UPF1: variants seen among roughly 807,000 people sequenced by gnomAD.
UPF1 encodes regulator of nonsense transcripts 1.
Under a neutral mutation model 129.2 loss-of-function variants are expected in UPF1, and 9 were observed. The ratio of observed to expected loss-of-function variants is 0.07; its 90% CI spans 0.04 to 0.12. UPF1 has a LOEUF of 0.12. Among genes scored for constraint, UPF1 ranks in the 10% least tolerant of loss-of-function variants. The pLI is 1.00. For synonymous variants in UPF1, 649 were observed against 644.9 expected, an observed-to-expected ratio of 1.01 and a Z score of -0.10; for missense variants, 788 against 1,525.3, an observed-to-expected ratio of 0.52 and a Z score of 8.05.
chr19:18,865,928 C>T lies in UPF1; in HGVS notation c.3238-116C>T. On this transcript the variant is annotated intron_variant, in intron 22 of 23. Coordinates refer to ENST00000262803, the MANE Select transcript of UPF1 (RefSeq NM_002911.4). This position sits in a 1 kb window ranked among gnomAD's most constrained non-coding sequence, Gnocchi z 6.1. Reference sequence around the variant, plus strand: ...GGGCTGGGGTCATCAGAGTGGGTCTCCTGGGTCTTAGTTTGGGGACGGGTT... The same window carrying T: ...GGGCTGGGGTCATCAGAGTGGGTCTTCTGGGTCTTAGTTTGGGGACGGGTT... The T allele has an allele frequency of 6.3e-7, 1 of 1,587,092 alleles. No individual in the cohort carries two copies. The highest frequency in any genetic ancestry group is 8.5e-7 in the Non-Finnish European group (1 of 1,170,082).
chr19:18,836,744 C>T (rs901267848), intron 1 of UPF1, among the ~76,000 whole-genome samples: 14 of 151,380 alleles, frequency 9.2e-5, no homozygotes, highest in African/African-American at 3.4e-4. Flanking sequence ...TACCACTATC[C>T]ACCCATTTTT....
chr19:18,860,221 C>T lies in UPF1; in HGVS notation c.2183-100C>T, dbSNP rs2055762796. 3 of 1,249,858 alleles carry T rather than the reference C, an allele frequency of 2.4e-6. No homozygotes were observed. In the African/African-American group the frequency reaches 4.4e-5, roughly 19 times the overall value. 77.4% of individuals were successfully genotyped at this position (1,249,858 alleles called of 1,614,324 possible). ...CAGATCGAAGTCTCCTGCCCCAGGA[C>T]CTGCAGCACTGTAGCGTAGCAACTA... is the stretch of plus-strand genomic sequence containing the variant. On this transcript the variant is annotated intron_variant, in intron 15 of 23. Coordinates refer to ENST00000262803, the MANE Select transcript of UPF1 (RefSeq NM_002911.4).
At chr19:18,834,070 A>C (rs1296477059) in intron 1 of UPF1, among the ~76,000 whole-genome samples, 1 of 152,032 alleles carries the variant, frequency 6.6e-6, no homozygotes, top group Non-Finnish European at 1.5e-5. Flanking sequence ...CGGAGGCCCC[A>C]CCTCCTTGTA....
chr19:18,847,505 C>A (rs1008163759), intron 2 of UPF1, among the ~76,000 whole-genome samples: 3 of 152,222 alleles, frequency 2.0e-5, no homozygotes, highest in African/African-American at 7.2e-5. Flanking sequence ...CAGGACTCTC[C>A]TTGGAGGTGG....
At chr19:18,844,967 G>T (rs1010513562) in intron 1 of UPF1, among the ~76,000 whole-genome samples, 4 of 152,288 alleles carry the variant, frequency 2.6e-5, no homozygotes, top group Non-Finnish European at 5.9e-5. Flanking sequence ...ATCTGTGCGT[G>T]CAGGTAGCAC....
chr19:18,839,915 C>G (rs1379037289), intron 1 of UPF1, among the ~76,000 whole-genome samples: 2 of 152,158 alleles, frequency 1.3e-5, no homozygotes, highest in Non-Finnish European at 2.9e-5. Flanking sequence ...GTGGGAATGG[C>G]GCCTCTGGAG....
chr19:18,848,534 C>T (rs1030984903), intron 3 of UPF1: 16 of 152,186 alleles, frequency 1.1e-4, no homozygotes, highest in African/African-American at 3.6e-4. Context: ...GGCAGAGCTC[C>T]GAGGTGCTAG....
At chr19:18,855,312 G>C (rs2055704643) in intron 11 of UPF1, 70 bp downstream of exon 11, 2 of 1,541,060 alleles carry the variant, frequency 1.3e-6, no homozygotes, top group Non-Finnish European at 8.8e-7. Flanking sequence ...AAGGCCTGGT[G>C]CTGGGAGCCT....
rs1264127696 is a variant in UPF1, at chr19:18,865,832, T to C, written c.3237+54T>C. 2.5e-6 allele frequency: 4 copies of C among 1,604,180 alleles called. No homozygotes were observed. The Admixed American group carries it at 5.0e-5, about 20-fold the overall frequency. On this transcript the variant is annotated intron_variant, in intron 22 of 23. Transcript: ENST00000262803. The surrounding 1 kb of genome is among the most constrained non-coding windows in gnomAD (Gnocchi z 6.1). ...CTGAGTGAGGGTGGGGCTATGCACC[T>C]GAAACATTCCCTCTGAAGAGCCCCA...
In UPF1 at chr19:18,832,162, G is replaced by A. The variant is rs765034729; in HGVS notation, c.-48G>A. 4.0e-6 allele frequency: 6 copies of A among 1,481,930 alleles called. No homozygotes were observed. Among genetic ancestry groups the A allele is most frequent in the Non-Finnish European group, 5.4e-6 (6 of 1,109,472 alleles). The allele number at this position is 1,481,930 out of a possible 1,614,324, so 91.8% of individuals were successfully genotyped here. A position where few individuals can be genotyped will look rare whatever the true frequency, so the allele number is the denominator to read the frequency against. ...GGCCTAGGCCTCAGCGCGGCGGCGG[G>A]CTCGAGTGCAGCGCGGAACCGGCCC... On this transcript the variant is annotated 5_prime_UTR_variant, in exon 1 of 24. Transcript: ENST00000262803. This position sits in a 1 kb window ranked among gnomAD's most constrained non-coding sequence, Gnocchi z 5.6.
At chr19:18,855,473 G>A (rs1271873672) in intron 11 of UPF1, 1 of 603,384 alleles carries the variant, frequency 1.7e-6, no homozygotes, top group Non-Finnish European at 2.9e-6. Flanking sequence ...GGGGGCAGGG[G>A]GGGCATGGCT....
At chr19:18,861,023 G>C in intron 17 of UPF1, 41 bp downstream of exon 17, 1 of 1,539,312 alleles carries the variant, frequency 6.5e-7, no homozygotes, top group South Asian at 1.2e-5. Flanking sequence ...CCTGGGCCAT[G>C]CAAGGGTATT....
In UPF1 at chr19:18,832,262, C is replaced by T; in HGVS notation, c.53C>T (p.Thr18Met). The part of the protein sequence containing the change: ...PSSQTLTFLD[T>M]EEAELLGADT... Reference sequence around the variant, plus strand: ...TCGCAGACTCTCACTTTCCTGGACACGGAGGAGGCCGAGCTGCTTGGCGCC... The same window carrying T: ...TCGCAGACTCTCACTTTCCTGGACATGGAGGAGGCCGAGCTGCTTGGCGCC... The change falls in exon 1 of 24, where the codon ACG (threonine) becomes ATG (methionine). Residue 18 changes from threonine (T) to methionine (M), a missense_variant. This residue lies in a region of UPF1 where 112 missense variants were observed against 128.2 expected (regional missense o/e 0.87). Coordinates refer to ENST00000262803, the MANE Select transcript of UPF1 (RefSeq NM_002911.4). The surrounding 1 kb of genome is among the most constrained non-coding windows in gnomAD (Gnocchi z 5.6). The T allele has an allele frequency of 1.9e-6, 3 of 1,552,918 alleles. No individual in the cohort carries two copies. Among genetic ancestry groups the T allele is most frequent in the South Asian group, 1.2e-5 (1 of 86,456 alleles).
chr19:18,858,970 T>C (rs1198204156), intron 15 of UPF1, among the ~76,000 whole-genome samples: 1 of 152,016 alleles, frequency 6.6e-6, no homozygotes, highest in Non-Finnish European at 1.5e-5. Context: ...ACCTGTGAGG[T>C]TGGTATTGTC....
chr19:18,852,116 CG>C lies in UPF1; in HGVS notation c.811-17del, dbSNP rs1265510071. The C allele has an allele frequency of 3.1e-6, 5 of 1,590,262 alleles. No individual in the cohort carries two copies. The highest frequency in any genetic ancestry group is 2.7e-5 in the African/African-American group (2 of 73,654). On this transcript the variant is annotated intron_variant, in intron 5 of 23. Transcript: ENST00000262803. Reference sequence around the variant, plus strand: ...AGGGAAAAACAGGACGAGTGTGGCGCGGTGTTGTTGTCTTCTAGGAAAACCC... The same window carrying C: ...AGGGAAAAACAGGACGAGTGTGGCGCGTGTTGTTGTCTTCTAGGAAAACCC...
intron 3 of UPF1, chr19:18,848,036 C>T: frequency 2.0e-6 from 1 of 505,960 alleles, no homozygotes; most frequent in Admixed American, 3.5e-5. Flanking sequence ...TTCTCTGTGG[C>T]TCTTTTTATT....
chr19:18,862,840 G>GA (rs59908396), intron 18 of UPF1: 21,500 of 145,816 alleles, frequency 0.15, 2,713 homozygotes, highest in African/African-American at 0.35. Flanking sequence ...GTCTCCAAAG[G>GA]AAAAAAAAAA....
In UPF1 at chr19:18,847,845, G is replaced by C. The variant is rs1310546694; in HGVS notation, c.461+12G>C. The C allele has an allele frequency of 6.2e-7, 1 of 1,613,082 alleles. No individual in the cohort carries two copies. ...AATACTTCTGGCAGGTAGATAATCAGACCATGCATGTGTGTTTAATCAGTG... is the reference window on the plus strand; with the variant it reads ...AATACTTCTGGCAGGTAGATAATCACACCATGCATGTGTGTTTAATCAGTG... On this transcript the variant is annotated intron_variant, in intron 3 of 23. Transcript: ENST00000262803.
chr19:18,864,733 G>GTTTTT lies in UPF1; in HGVS notation c.2857+501_2857+505dup, dbSNP rs10682791. ...CACTGCACCTGGCCAATTTGCAGGT[G>GTTTTT]TTTTTTTTTTTTTTTTTTTTTTTGG... is the stretch of plus-strand genomic sequence containing the variant. On this transcript the variant is annotated intron_variant, in intron 20 of 23. Transcript: ENST00000262803. Among the ~76,000 whole-genome samples, 484 of 73,436 alleles carry GTTTTT rather than the reference G, an allele frequency of 6.6e-3. 22 individuals are homozygous for GTTTTT. Among genetic ancestry groups the GTTTTT allele is most frequent in the African/African-American group, 0.012 (206 of 17,420 alleles). The allele number at this position is 73,436 out of a possible 152,430, so 48.2% of individuals were successfully genotyped here. A position where few individuals can be genotyped will look rare whatever the true frequency, so the allele number is the denominator to read the frequency against.
Sources: allele counts gnomAD v4.1 joint callset (sites outside exome capture counted in the v4.1 genomes callset), GRCh38; gene constraint gnomAD v4.1.1; regional missense constraint gnomAD v4.1.1; non-coding constraint Gnocchi (gnomAD v3.1); transcripts MANE v1.5; gene names NCBI Gene and HGNC (gene_info 2026-07-23, HGNC 2026-07-21).